Variants in ATF6 observed in about 807,000 individuals in gnomAD.
The protein encoded by ATF6 is cyclic AMP-dependent transcription factor ATF-6 alpha.
In ATF6, 53 loss-of-function variants were observed where a neutral mutation model predicts 83.6. That is an observed-to-expected ratio of 0.63 (90% confidence interval 0.51 to 0.80). The LOEUF (loss-of-function observed/expected upper bound fraction) is 0.80, where lower values mean the gene tolerates loss of function less well. ATF6 is among the 30% of genes least tolerant of loss of function. The pLI, the probability that ATF6 is intolerant of heterozygous loss-of-function variation, is 0.00. For synonymous variants in ATF6, 288 were observed against 285.8 expected, an observed-to-expected ratio of 1.01 and a Z score of -0.08; for missense variants, 744 against 797.9, an observed-to-expected ratio of 0.93 and a Z score of 0.81.
chr1:161,814,190 A>T (rs1685550437), intron 7 of ATF6, among the ~76,000 whole-genome samples: 1 of 152,168 alleles, frequency 6.6e-6, no homozygotes, highest in African/African-American at 2.4e-5. Context: ...GGCCTCCATC[A>T]AGTATTTCTG....
chr1:161,946,505 T>G, intron 15 of ATF6, among the ~76,000 whole-genome samples: 1 of 152,200 alleles, frequency 6.6e-6, no homozygotes, highest in East Asian at 1.9e-4. Flanking sequence ...AATGACATCC[T>G]TGCTAAAAAA....
chr1:161,810,661 C>T (rs550758099), intron 7 of ATF6, among the ~76,000 whole-genome samples: 2 of 152,060 alleles, frequency 1.3e-5, no homozygotes, highest in African/African-American at 2.4e-5. Context: ...ATAAGGATCA[C>T]CCTTTTGAAC....
Position 161,860,275 on chromosome 1 carries a change from C to T in ATF6, c.1602C>T (p.Ile534=), listed in dbSNP as rs201527618. 1.9e-4 allele frequency: 300 copies of T among 1,569,638 alleles called. No homozygotes were observed. Among genetic ancestry groups the T allele is most frequent in the Non-Finnish European group, 2.4e-4 (275 of 1,159,242 alleles). The change falls in exon 13 of 16, where the codon ATC becomes ATT. Residue 534 remains isoleucine (I), a splice_region_variant and synonymous_variant. Transcript: ENST00000367942. The part of the protein sequence containing the change: ...AVQYTETTSS[I]SRNSGSELQV... ...AATACACAGAAACCACTAGTAGTATCAGGTAAGACAGTGCAGAAGCTCTTG... is the reference window on the plus strand; with the variant it reads ...AATACACAGAAACCACTAGTAGTATTAGGTAAGACAGTGCAGAAGCTCTTG...
chr1:161,901,853 T>C (rs1403012255), intron 14 of ATF6, among the ~76,000 whole-genome samples: 1 of 152,196 alleles, frequency 6.6e-6, no homozygotes, highest in African/African-American at 2.4e-5. Context: ...TCTTGCAGTT[T>C]GAATGGAACT....
At chr1:161,905,069 C>T (rs1006944031) in intron 14 of ATF6, among the ~76,000 whole-genome samples, 1 of 152,154 alleles carries the variant, frequency 6.6e-6, no homozygotes, top group Admixed American at 6.5e-5. Flanking sequence ...GGAGTGAAGG[C>T]TGGAGGAATA....
At chr1:161,879,940 T>A (rs1287883462) in intron 14 of ATF6, among the ~76,000 whole-genome samples, 1 of 152,144 alleles carries the variant, frequency 6.6e-6, no homozygotes, top group Admixed American at 6.6e-5. Flanking sequence ...AAATAAACTT[T>A]AATTTTGTGC....
Position 161,963,328 on chromosome 1 carries a change from T to C in ATF6, c.*4674T>C, listed in dbSNP as rs755069964. 6.6e-6 allele frequency: 1 copy of C among 152,246 alleles called. No individual in the cohort carries two copies. The highest frequency in any genetic ancestry group is 1.5e-5 in the Non-Finnish European group (1 of 68,044). 9.4% of individuals were successfully genotyped at this position (152,246 alleles called of 1,614,324 possible). ...TGAAAAGAAGAATGACAAAGGTATCTGATTAGAAAATTTGATCTTACGCAT... is the reference window on the plus strand; with the variant it reads ...TGAAAAGAAGAATGACAAAGGTATCCGATTAGAAAATTTGATCTTACGCAT... On this transcript the variant is annotated 3_prime_UTR_variant, in exon 16 of 16. Transcript: ENST00000367942.
At chr1:161,806,544 C>G (rs758747327) in intron 7 of ATF6, among the ~76,000 whole-genome samples, 7 of 152,316 alleles carry the variant, frequency 4.6e-5, no homozygotes, top group Non-Finnish European at 7.4e-5. Context: ...TGATATAGAA[C>G]TATAAATAAC....
At chr1:161,912,176 T>TA (rs1490213584) in intron 14 of ATF6, 120 bp from the exon 15 acceptor site, 10 of 559,168 alleles carry the variant, frequency 1.8e-5, no homozygotes, top group Admixed American at 3.9e-5. Flanking sequence ...CAACTTCAAA[T>TA]AAAAACTATA....
chr1:161,844,374 T>G (rs960018545), intron 9 of ATF6, among the ~76,000 whole-genome samples: 2 of 152,220 alleles, frequency 1.3e-5, no homozygotes, highest in Non-Finnish European at 2.9e-5. Context: ...AGAAGAAGGC[T>G]TACTTAGACT....
intron 7 of ATF6, among the ~76,000 whole-genome samples, chr1:161,807,614 A>G (rs1213384774): frequency 6.6e-6 from 1 of 152,210 alleles, no homozygotes; most frequent in Admixed American, 6.5e-5. Context: ...GGACTCTGCA[A>G]ATAAAAGAAA....
chr1:161,930,373 G>T (rs937856564), intron 15 of ATF6, among the ~76,000 whole-genome samples: 1 of 152,074 alleles, frequency 6.6e-6, no homozygotes, highest in African/African-American at 2.4e-5. Flanking sequence ...CTTTATGAGA[G>T]CCATTTTAGT....
intron 7 of ATF6, among the ~76,000 whole-genome samples, chr1:161,814,663 T>C (rs1365971195): frequency 6.6e-6 from 1 of 152,204 alleles, no homozygotes. Flanking sequence ...AAGAGTAAAA[T>C]AAAATTTTGA....
chr1:161,949,340 T>A (rs1001193250), intron 15 of ATF6, among the ~76,000 whole-genome samples: 1 of 152,184 alleles, frequency 6.6e-6, no homozygotes, highest in African/African-American at 2.4e-5. Context: ...GATATTCTAG[T>A]GTGATTACTG....
chr1:161,941,792 T>C (rs1348968570), intron 15 of ATF6, among the ~76,000 whole-genome samples: 1 of 152,230 alleles, frequency 6.6e-6, no homozygotes, highest in Non-Finnish European at 1.5e-5. Context: ...TTTTTAGTGC[T>C]TTCTTAGCAC....
chr1:161,766,789 G>A (rs919392257), intron 1 of ATF6, among the ~76,000 whole-genome samples: 1 of 152,258 alleles, frequency 6.6e-6, no homozygotes, highest in Non-Finnish European at 1.5e-5. Flanking sequence ...GCTATTTCCT[G>A]AGTGTGAAAT....
At chr1:161,886,657 T>G (rs918878044) in intron 14 of ATF6, among the ~76,000 whole-genome samples, 37 of 152,244 alleles carry the variant, frequency 2.4e-4, no homozygotes, top group Non-Finnish European at 7.3e-5. Context: ...TATAATCTCA[T>G]GGGACCACCA....
chr1:161,881,045 ATCT>A (rs1248792092), intron 14 of ATF6, among the ~76,000 whole-genome samples: 1 of 152,154 alleles, frequency 6.6e-6, no homozygotes, highest in African/African-American at 2.4e-5. Context: ...CCATCCATAA[ATCT>A]TCTTTGGTGA....
intron 14 of ATF6, among the ~76,000 whole-genome samples, chr1:161,909,258 T>G (rs1415981747): frequency 6.6e-6 from 1 of 152,204 alleles, no homozygotes; most frequent in Non-Finnish European, 1.5e-5. Flanking sequence ...CAAAGACGGC[T>G]ACTCCAGCTC....
Sources: allele counts gnomAD v4.1 joint callset (sites outside exome capture counted in the v4.1 genomes callset), GRCh38; gene constraint gnomAD v4.1.1; transcripts MANE v1.5; gene names NCBI Gene and HGNC (gene_info 2026-07-23, HGNC 2026-07-21).